The following NLGN1 variants were observed in gnomAD, a reference collection of about 807,000 sequenced individuals.
NLGN1 encodes neuroligin-1.
A neutral mutation model predicts 65.5 loss-of-function variants in NLGN1; 12 were observed. The observed-to-expected ratio is 0.18, with a 90% CI of 0.12 to 0.30. The LOEUF is 0.30. Among genes scored for constraint, NLGN1 ranks in the 10% least tolerant of loss-of-function variants. The pLI is 1.00. For missense variants in NLGN1, 750 were observed against 1,007.1 expected, an observed-to-expected ratio of 0.74 and a Z score of 3.46; for synonymous variants, 350 against 359.5, an observed-to-expected ratio of 0.97 and a Z score of 0.30.
chr3:173,725,433 G>A (rs1204070233), intron 3 of NLGN1, among the ~76,000 whole-genome samples: 1 of 152,164 alleles, frequency 6.6e-6, no homozygotes, highest in Non-Finnish European at 1.5e-5. Flanking sequence ...GCTTCATGCA[G>A]TATGTCCAAA....
chr3:173,866,889 A>G (rs1196652767), intron 4 of NLGN1, among the ~76,000 whole-genome samples: 1 of 152,160 alleles, frequency 6.6e-6, no homozygotes, highest in African/African-American at 2.4e-5. Flanking sequence ...AAAGATAAAG[A>G]TGTTTCTAAT....
intron 3 of NLGN1, among the ~76,000 whole-genome samples, chr3:173,726,279 A>G (rs1364775498): frequency 6.6e-6 from 1 of 151,822 alleles, no homozygotes; most frequent in Admixed American, 6.6e-5. Context: ...CATCTTGGTT[A>G]TGAAATAAGA....
At chr3:174,202,562 AGTT>A (rs1734684191) in intron 4 of NLGN1, 1 of 152,042 alleles carries the variant, frequency 6.6e-6, no homozygotes, top group East Asian at 1.9e-4. Flanking sequence ...GTTATTTTTA[AGTT>A]GTCATTTTTC....
chr3:173,880,566 A>G (rs948365729), intron 4 of NLGN1, among the ~76,000 whole-genome samples: 1 of 151,018 alleles, frequency 6.6e-6, no homozygotes, highest in African/African-American at 2.4e-5. Flanking sequence ...CAATATAAGT[A>G]TGTTTAAAAA....
intron 3 of NLGN1, among the ~76,000 whole-genome samples, chr3:173,675,731 A>C (rs1763035442): frequency 6.6e-6 from 1 of 151,950 alleles, no homozygotes; most frequent in African/African-American, 2.4e-5. Flanking sequence ...GAAATGCAAA[A>C]CAAGGATCTT....
intron 3 of NLGN1, among the ~76,000 whole-genome samples, chr3:173,791,861 T>C (rs1356074038): frequency 6.6e-6 from 1 of 152,114 alleles, no homozygotes; most frequent in African/African-American, 2.4e-5. Flanking sequence ...TATTTTTGTT[T>C]CTTCACCTGT....
exon 7 of NLGN1, chr3:174,281,592 G>A: frequency 6.7e-6 from 2 of 300,206 alleles, no homozygotes; most frequent in South Asian, 1.0e-4. Context: ...TTAGGCATGT[G>A]GAACACCAAA....
intron 2 of NLGN1, among the ~76,000 whole-genome samples, chr3:173,508,478 G>A (rs986624476): frequency 3.3e-5 from 5 of 152,020 alleles, no homozygotes; most frequent in African/African-American, 7.2e-5. Context: ...TGTAATCTTC[G>A]CTATCCCTGA....
At chr3:173,436,059 C>G (rs1310646739) in intron 2 of NLGN1, among the ~76,000 whole-genome samples, 1 of 152,162 alleles carries the variant, frequency 6.6e-6, no homozygotes, top group African/African-American at 2.4e-5. Flanking sequence ...TCAAACAACA[C>G]ATGATGTATG....
chr3:174,294,125 T>G, the NLGN1 span, among the ~76,000 whole-genome samples: 1 of 151,752 alleles, frequency 6.6e-6, no homozygotes, highest in Non-Finnish European at 1.5e-5. Context: ...TTCCCTACCC[T>G]CTAACCAAAA....
chr3:173,885,218 TA>T (rs1734110470), intron 4 of NLGN1, among the ~76,000 whole-genome samples: 1 of 152,194 alleles, frequency 6.6e-6, no homozygotes, highest in African/African-American at 2.4e-5. Context: ...TATACTTTTT[TA>T]CCCTTAATTT....
intron 4 of NLGN1, among the ~76,000 whole-genome samples, chr3:173,822,382 T>A (rs1202150423): frequency 6.6e-6 from 1 of 152,090 alleles, no homozygotes; most frequent in African/African-American, 2.4e-5. Context: ...TCTGTGTATG[T>A]GGGTATTCCA....
At chr3:173,670,295 A>G (rs1237638904) in intron 3 of NLGN1, among the ~76,000 whole-genome samples, 1 of 152,192 alleles carries the variant, frequency 6.6e-6, no homozygotes, top group Non-Finnish European at 1.5e-5. Context: ...CTATTGGCCC[A>G]TTGCTTGATG....
intron 4 of NLGN1, among the ~76,000 whole-genome samples, chr3:173,951,028 G>A (rs1748104826): frequency 6.6e-6 from 1 of 151,794 alleles, no homozygotes; most frequent in South Asian, 2.1e-4. Context: ...CACCATGCCT[G>A]GCTAATTTTA....
At chr3:174,049,745 C>T (rs532010404) in intron 4 of NLGN1, among the ~76,000 whole-genome samples, 23 of 152,104 alleles carry the variant, frequency 1.5e-4, no homozygotes, top group African/African-American at 5.1e-4. Context: ...TATGTAAATA[C>T]GATTATTCAT....
At chr3:174,209,619 C>CTTTTTT (rs1184386254) in intron 4 of NLGN1, among the ~76,000 whole-genome samples, 6 of 97,296 alleles carry the variant, frequency 6.2e-5, no homozygotes, top group African/African-American at 2.3e-4. Context: ...ATCAACCTTT[C>CTTTTTT]TTTCTTTTTT....
Position 173,529,274 on chromosome 3 carries a change from G to C in NLGN1, c.-320-75005G>C, listed in dbSNP as rs544680171. Among the ~76,000 whole-genome samples, 236 of 152,242 alleles carry C rather than the reference G, an allele frequency of 1.6e-3. 1 individual carries two copies. The Middle Eastern group carries it at 0.02, about 13-fold the overall frequency. ...CTACCGGCCAGTAGGTGGCACTTCC[G>C]GGTAAGAGCCAGCAGCGCAAAAGCA... On this transcript the variant is annotated intron_variant, in intron 2 of 6. Transcript: ENST00000457714.
chr3:174,196,778 T>G (rs9822257), intron 4 of NLGN1, among the ~76,000 whole-genome samples: 31,374 of 152,214 alleles, frequency 0.21, 3,660 homozygotes, highest in African/African-American at 0.31. Context: ...TGATCTACAA[T>G]GTATAGAAAA....
chr3:174,269,678 T>G (rs1409954638), intron 4 of NLGN1, among the ~76,000 whole-genome samples: 1 of 152,010 alleles, frequency 6.6e-6, no homozygotes, highest in African/African-American at 2.4e-5. Context: ...ATTGGGATCC[T>G]GCTTTGAATT....
Sources: allele counts gnomAD v4.1 joint callset (sites outside exome capture counted in the v4.1 genomes callset), GRCh38; gene constraint gnomAD v4.1.1; transcripts MANE v1.5; gene names NCBI Gene and HGNC (gene_info 2026-07-23, HGNC 2026-07-21).